Variants in MACROD2 observed in about 807,000 individuals in gnomAD.
MACROD2 encodes the protein ADP-ribose glycohydrolase MACROD2.
MACROD2 carries 36 observed loss-of-function variants against 70.4 expected under a neutral mutation model. The observed-to-expected ratio is 0.51, with a 90% confidence interval of 0.39 to 0.68. The LOEUF (loss-of-function observed/expected upper bound fraction) is 0.68. MACROD2 is among the 30% of genes least tolerant of loss of function. The pLI is 0.00. For synonymous variants in MACROD2, 172 were observed against 178.8 expected (o/e 0.96, Z 0.30); for missense variants, 496 against 538.4 (o/e 0.92, Z 0.78).
chr20:15,718,393 A>G (rs1055051466), intron 8 of MACROD2, among the ~76,000 whole-genome samples: 2 of 152,214 alleles, frequency 1.3e-5, no homozygotes, highest in African/African-American at 4.8e-5. Context: ...TCCCAACTGT[A>G]TATTAATTAT....
intron 4 of MACROD2, among the ~76,000 whole-genome samples, chr20:14,591,561 A>G (rs1403404846): frequency 6.6e-6 from 1 of 152,206 alleles, no homozygotes; most frequent in African/African-American, 2.4e-5. Flanking sequence ...TTCAAACACC[A>G]AAAGCCAATG....
At chr20:15,966,125 T>A (rs1201076782) in intron 12 of MACROD2, among the ~76,000 whole-genome samples, 1 of 152,056 alleles carries the variant, frequency 6.6e-6, no homozygotes, top group Non-Finnish European at 1.5e-5. Context: ...TGAGAGGAAA[T>A]GAATGGAGAG....
chr20:15,343,706 C>A (rs1823074521), intron 6 of MACROD2, among the ~76,000 whole-genome samples: 1 of 152,156 alleles, frequency 6.6e-6, no homozygotes, highest in African/African-American at 2.4e-5. Flanking sequence ...AGATACCAAG[C>A]AGCTTTAATC....
intron 4 of MACROD2, among the ~76,000 whole-genome samples, chr20:14,506,055 GGGCA>G (rs1254281579): frequency 5.3e-5 from 8 of 152,148 alleles, no homozygotes; most frequent in Non-Finnish European, 1.0e-4. Context: ...GTTGGGGGGT[GGGCA>G]GGTTGTGCCT....
In MACROD2 at chr20:14,822,359, AAACC is replaced by A. The variant is rs201543364; in HGVS notation, c.418+137401_418+137404del. 7.0e-3 allele frequency among the ~76,000 whole-genome samples: 1,067 copies of A among 152,202 alleles called. 47 individuals carry two copies. The East Asian group carries it at 0.11, about 15-fold the overall frequency. ...AAGTTTTAGGGTATCTGAACCTTTT[AAACC>A]TTGTGGGTATCATTTGTATAATATT... On this transcript the variant is annotated intron_variant, in intron 5 of 17. Transcript: ENST00000684519.
chr20:15,426,203 A>T (rs1236324624), intron 6 of MACROD2, among the ~76,000 whole-genome samples: 5 of 84,654 alleles, frequency 5.9e-5, no homozygotes, highest in Admixed American at 4.5e-4. Flanking sequence ...ATGATCAATA[A>T]AAAAAAAAAA....
chr20:15,014,863 A>G (rs1261298375), intron 5 of MACROD2, among the ~76,000 whole-genome samples: 2 of 152,158 alleles, frequency 1.3e-5, no homozygotes, highest in East Asian at 3.8e-4. Flanking sequence ...AAAATATATG[A>G]TATTGATGTT....
chr20:14,265,628 C>G (rs780935278), intron 3 of MACROD2, among the ~76,000 whole-genome samples: 33 of 152,224 alleles, frequency 2.2e-4, no homozygotes, highest in Non-Finnish European at 4.1e-4. Context: ...ACAACACTCT[C>G]ATGGATTTAG....
At chr20:15,635,613 G>A (rs1046166683) in intron 8 of MACROD2, among the ~76,000 whole-genome samples, 3 of 152,164 alleles carry the variant, frequency 2.0e-5, no homozygotes, top group Admixed American at 6.5e-5. Flanking sequence ...GGAGGGGAGC[G>A]AGGGTTAAAA....
chr20:16,030,272 A>G (rs182580433), intron 15 of MACROD2, among the ~76,000 whole-genome samples: 1 of 152,360 alleles, frequency 6.6e-6, no homozygotes, highest in African/African-American at 2.4e-5. Flanking sequence ...GGGATATGCT[A>G]TATACTTGCT....
intron 5 of MACROD2, among the ~76,000 whole-genome samples, chr20:14,761,278 A>T (rs188547016): frequency 6.6e-6 from 1 of 152,260 alleles, no homozygotes; most frequent in East Asian, 1.9e-4. Context: ...ACATTTACTT[A>T]CTGAGTAAAT....
At chr20:14,601,965 A>G (rs1982526430) in intron 4 of MACROD2, among the ~76,000 whole-genome samples, 1 of 152,114 alleles carries the variant, frequency 6.6e-6, no homozygotes, top group African/African-American at 2.4e-5. Flanking sequence ...TATATAAACT[A>G]TTTATTTGCA....
intron 5 of MACROD2, among the ~76,000 whole-genome samples, chr20:14,938,342 C>T (rs1026725458): frequency 3.3e-5 from 5 of 152,038 alleles, no homozygotes; most frequent in Non-Finnish European, 2.9e-5. Context: ...TCTTTAGATC[C>T]TTGTCAGCAT....
At chr20:14,863,934 A>G (rs2073399950) in intron 5 of MACROD2, among the ~76,000 whole-genome samples, 1 of 152,066 alleles carries the variant, frequency 6.6e-6, no homozygotes, top group South Asian at 2.1e-4. Context: ...CTTACAATGA[A>G]GTTTGCCATA....
chr20:15,144,255 A>G (rs2076214254), intron 5 of MACROD2, among the ~76,000 whole-genome samples: 1 of 152,166 alleles, frequency 6.6e-6, no homozygotes, highest in Admixed American at 6.5e-5. Context: ...CCTGGCCTAC[A>G]ATTCAAATTA....
chr20:14,382,600 G>A lies in MACROD2; in HGVS notation c.272-110879G>A, dbSNP rs11905935. On this transcript the variant is annotated intron_variant, in intron 3 of 17. Transcript: ENST00000684519. The stretch of plus-strand genomic sequence containing the variant: ...GGAGAATCGCTTGAACCCAGGTGGC[G>A]GAGGTTGCGGTGAGCTGAGATCGTG... Among the ~76,000 whole-genome samples, 752 of 152,018 alleles carry A rather than the reference G, an allele frequency of 4.9e-3. 5 individuals are homozygous for A. Among genetic ancestry groups the A allele is most frequent in the African/African-American group, 0.016 (669 of 41,512 alleles).
At chr20:14,862,066 T>TATATAAAAATATATATAA (rs2073334466) in intron 5 of MACROD2, among the ~76,000 whole-genome samples, 1 of 26,468 alleles carries the variant, frequency 3.8e-5, no homozygotes, top group Non-Finnish European at 6.6e-5. Flanking sequence ...TATATATAAA[T>TATATAAAAATATATATAA]ATATATAAAT....
intron 6 of MACROD2, among the ~76,000 whole-genome samples, chr20:15,342,403 G>T (rs761144386): frequency 6.6e-6 from 1 of 152,066 alleles, no homozygotes; most frequent in African/African-American, 2.4e-5. Context: ...GACATTTTTT[G>T]TGTTCATTAG....
chr20:14,699,614 T>C (rs935267977), intron 5 of MACROD2, among the ~76,000 whole-genome samples: 1 of 152,162 alleles, frequency 6.6e-6, no homozygotes, highest in Non-Finnish European at 1.5e-5. Flanking sequence ...TCTTATTTTA[T>C]TACAAGGAAG....
Sources: allele counts gnomAD v4.1 joint callset (sites outside exome capture counted in the v4.1 genomes callset), GRCh38; gene constraint gnomAD v4.1.1; transcripts MANE v1.5; gene names NCBI Gene and HGNC (gene_info 2026-07-23, HGNC 2026-07-21).